The following PAN2 variants were observed in gnomAD, a reference collection of about 807,000 sequenced individuals.
The protein encoded by PAN2 is PAN2-PAN3 deadenylation complex catalytic subunit PAN2.
PAN2 carries 68 observed loss-of-function variants against 133.3 expected under a neutral mutation model. That is an observed-to-expected ratio of 0.51 (90% CI 0.42 to 0.62). The LOEUF (loss-of-function observed/expected upper bound fraction) is 0.62, where lower values mean the gene tolerates loss of function less well. Among genes scored for constraint, PAN2 ranks in the 20% least tolerant of loss-of-function variants. The pLI, the probability that PAN2 is intolerant of heterozygous loss-of-function variation, is 0.00. For synonymous variants in PAN2, 462 were observed against 544.6 expected (o/e 0.85, Z 2.11); for missense variants, 1,042 against 1,500.5 (o/e 0.69, Z 5.05).
chr12:56,322,516 A>C, intron 18 of PAN2, 34 bp from the exon 19 acceptor site: 1 of 1,611,892 alleles, frequency 6.2e-7, no homozygotes, highest in Non-Finnish European at 8.5e-7. Flanking sequence ...GTGGCGATAC[A>C]AATTGATGGC....
At position 56,318,191 on chromosome 12, in the gene PAN2, C is replaced by A. The variant is rs781468853; in HGVS notation, c.3562+46G>T. 11 of 1,523,946 alleles carry A rather than the reference C, an allele frequency of 7.2e-6. No individual in the cohort carries two copies. In the Admixed American group the frequency reaches 1.0e-4, roughly 14 times the overall value. The allele number at this position is 1,523,946 out of a possible 1,614,324, so 94.4% of individuals were successfully genotyped here. ...GACCCTGTCACAAACAAACAAAATA[C>A]AAAATCCACCCAGTCCAGTTTCCCT... On this transcript the variant is annotated intron_variant, in intron 25 of 25. Coordinates refer to ENST00000440411, the MANE Select transcript of PAN2 (RefSeq NM_014871.6).
In PAN2 at chr12:56,325,023, T is replaced by TA; in HGVS notation, c.1584dup (p.Asn529Ter). 6.2e-7 allele frequency: 1 copy of TA among 1,614,094 alleles called. No individual in the cohort carries two copies. Reference sequence around the variant, plus strand: ...CCAACCCTTACCTGGATCATGCAGTTACAGTAGGCGTTGGGAATGTGGGGC... The same window carrying TA: ...CCAACCCTTACCTGGATCATGCAGTTAACAGTAGGCGTTGGGAATGTGGGGC... On this transcript the variant is annotated frameshift_variant, in exon 10 of 26. Transcript: ENST00000440411. LOFTEE classifies it high-confidence loss of function.
At chr12:56,329,234 T>C (rs1326298191) in intron 2 of PAN2, among the ~76,000 whole-genome samples, 1 of 152,022 alleles carries the variant, frequency 6.6e-6, no homozygotes, top group Non-Finnish European at 1.5e-5. Context: ...TTCTCTATGG[T>C]ACCAAGATCT....
Position 56,324,112 on chromosome 12 carries a change from G to A in PAN2, c.2002C>T (p.Arg668Cys), listed in dbSNP as rs757267995. The change falls in exon 13 of 26, where the codon CGC becomes TGC. Residue 668 changes from arginine (R) to cysteine (C), a missense_variant. Physicochemically the swap from Arg to Cys is radical, Grantham distance 180 (BLOSUM62 -3). This residue lies in a region of PAN2 where 908 missense variants were observed against 1,223.5 expected (regional missense o/e 0.74). Coordinates refer to ENST00000440411, the MANE Select transcript of PAN2 (RefSeq NM_014871.6). ...GCTCGCACGGTCTCACTGCCACAGC[G>A]GCAGAGGCTGCAGTTCTCCATCTCA... ...SCEMENCSLC[R>C]CGSETVRASS... 5 of 1,614,066 alleles carry A rather than the reference G, an allele frequency of 3.1e-6. No homozygotes were observed. Among genetic ancestry groups the A allele is most frequent in the South Asian group, 1.1e-5 (1 of 91,086 alleles).
Position 56,319,046 on chromosome 12 carries a change from T to G in PAN2, c.3364+42A>C, listed in dbSNP as rs767865483. 2 of 1,579,166 alleles carry G rather than the reference T, an allele frequency of 1.3e-6. No individual in the cohort carries two copies. Among genetic ancestry groups the G allele is most frequent in the Non-Finnish European group, 1.7e-6 (2 of 1,148,558 alleles). ...TTCTTTTTTTTTAAATGGCTGCTTC[T>G]GCTATTAATGTAGCAGGGGCCTACA... On this transcript the variant is annotated intron_variant, in intron 24 of 25. Transcript: ENST00000440411. The surrounding 1 kb of genome is among the most constrained non-coding windows in gnomAD (Gnocchi z 5.4).
chr12:56,333,897 G>T lies in PAN2; in HGVS notation c.-150C>A. 6.6e-6 allele frequency: 1 copy of T among 152,360 alleles called. No homozygotes were observed. The highest frequency in any genetic ancestry group is 1.5e-5 in the Non-Finnish European group (1 of 68,076). The allele number at this position is 152,360 out of a possible 1,614,324, so 9.4% of individuals were successfully genotyped here. On this transcript the variant is annotated 5_prime_UTR_variant, in exon 1 of 26. Coordinates refer to ENST00000440411, the MANE Select transcript of PAN2 (RefSeq NM_014871.6). The stretch of plus-strand genomic sequence containing the variant: ...CCATGGCGGATATTTTGGAGCGCGT[G>T]GAATTAGAACGAGTAGGGGGAGCGC...
In PAN2 at chr12:56,332,709, T is replaced by C; in HGVS notation, c.282+104A>G. 3 of 1,153,694 alleles carry C rather than the reference T, an allele frequency of 2.6e-6. No individual in the cohort carries two copies. The South Asian group carries it at 4.2e-5, about 16-fold the overall frequency. 71.5% of individuals were successfully genotyped at this position (1,153,694 alleles called of 1,614,324 possible). Reference sequence around the variant, plus strand: ...CAACCAGACCCAGCTGTCTCATCACTACAACTCCTCGGTACTGGCTATCTG... The same window carrying C: ...CAACCAGACCCAGCTGTCTCATCACCACAACTCCTCGGTACTGGCTATCTG... On this transcript the variant is annotated intron_variant, in intron 2 of 25. Coordinates refer to ENST00000440411, the MANE Select transcript of PAN2 (RefSeq NM_014871.6).
rs756790140 is a variant in PAN2, at chr12:56,327,516, C to A, written c.767G>T (p.Ser256Ile). ...GTCGCAGGCCAGGCCAGTGAGGCGG[C>A]TGGAGAAGCCACAGGCAGCTAGCAG... ...GNLLAACGFS[S>I]RLTGLACDRF... Residue 256 changes from serine (S) to isoleucine (I), a missense_variant, in exon 6 of 26, where the codon AGC becomes ATC. Ser to Ile is a moderately radical substitution (Grantham distance 142). Coordinates refer to ENST00000440411, the MANE Select transcript of PAN2 (RefSeq NM_014871.6). 2 of 1,614,090 alleles carry A rather than the reference C, an allele frequency of 1.2e-6. No homozygotes were observed. Among genetic ancestry groups the A allele is most frequent in the Non-Finnish European group, 1.7e-6 (2 of 1,180,050 alleles).
In PAN2 at chr12:56,327,482, G is replaced by A. The variant is rs2135983704; in HGVS notation, c.801C>T (p.Leu267=). ...GCATCATGCGCAAATCATACACCTT[G>A]AGGAAACGGTCGCAGGCCAGGCCAG... ...RLTGLACDRF[L]KVYDLRMMRA... is the part of the protein sequence containing the mutation. The change falls in exon 6 of 26, where the codon CTC becomes CTT. Residue 267 remains leucine, a synonymous_variant. Transcript: ENST00000440411. 3 of 1,614,252 alleles carry A rather than the reference G, an allele frequency of 1.9e-6. No homozygotes were observed. The highest frequency in any genetic ancestry group is 1.3e-5 in the African/African-American group (1 of 75,066).
intron 2 of PAN2, among the ~76,000 whole-genome samples, chr12:56,332,070 G>A (rs1234991181): frequency 6.6e-6 from 1 of 152,132 alleles, no homozygotes; most frequent in Non-Finnish European, 1.5e-5. Context: ...GGCAATACGG[G>A]TACAGATTTT....
intron 25 of PAN2, 41 bp from the exon 26 acceptor site, chr12:56,317,684 G>A: frequency 6.3e-7 from 1 of 1,577,300 alleles, no homozygotes. Context: ...AAGCTGAGTG[G>A]AGAAAAAGCA....
chr12:56,332,634 G>A, intron 2 of PAN2, 179 bp downstream of exon 2: 3 of 569,836 alleles, frequency 5.3e-6, no homozygotes, highest in East Asian at 3.0e-5. Flanking sequence ...TGCCTCCTGA[G>A]AAAGAATATG....
chr12:56,319,143 G>A lies in PAN2; in HGVS notation c.3309C>T (p.Phe1103=), dbSNP rs776065284. ...AAATCATTCGTTTTCGGGGCATATG[G>A]AACAGGTAGACAGTGTCAAGGACTT... The part of the protein sequence containing the change: ...KDQVLDTVYL[F]HMPRKRMISL... Residue 1103 remains phenylalanine (F), a synonymous_variant, in exon 24 of 26, where the codon TTC becomes TTT. Coordinates refer to ENST00000440411, the MANE Select transcript of PAN2 (RefSeq NM_014871.6). This position sits in a 1 kb window ranked among gnomAD's most constrained non-coding sequence, Gnocchi z 5.4. The A allele has an allele frequency of 1.2e-6, 2 of 1,614,138 alleles. No individual in the cohort carries two copies. Among genetic ancestry groups the A allele is most frequent in the East Asian group, 2.2e-5 (1 of 44,886 alleles).
rs1290582468 is a variant in PAN2 at position 56,323,193 on chromosome 12, G to T, written c.2362C>A (p.Pro788Thr). The T allele has an allele frequency of 1.2e-6, 2 of 1,613,970 alleles. No individual in the cohort carries two copies. The highest frequency in any genetic ancestry group is 1.7e-6 in the Non-Finnish European group (2 of 1,180,018). The change falls in exon 17 of 26, where the codon CCA becomes ACA. Residue 788 changes from proline to threonine, a missense_variant. Coordinates refer to ENST00000440411, the MANE Select transcript of PAN2 (RefSeq NM_014871.6). ...ALADWKELGS[P>T]EGVLVCPSIE... ...GAGGGACACACCAGCACACCCTCTG[G>T]ACTCCCTAGTTCCTTCCTATCAGGT...
At chr12:56,332,520 AG>A (rs144489592) in intron 2 of PAN2, among the ~76,000 whole-genome samples, 2,136 of 151,114 alleles carry the variant, frequency 0.014, 51 homozygotes, top group African/African-American at 0.05. Context: ...GTGTGAGCCC[AG>A]GAGATTGAGG....
chr12:56,327,956 C>G (rs1294094208), intron 5 of PAN2, 39 bp downstream of exon 5: 1 of 1,613,048 alleles, frequency 6.2e-7, no homozygotes, highest in Non-Finnish European at 8.5e-7. Context: ...TCTAGTGAAA[C>G]AGGGCCCTGC....
intron 20 of PAN2, among the ~76,000 whole-genome samples, chr12:56,320,706 C>T (rs1233334550): frequency 6.6e-6 from 1 of 151,166 alleles, no homozygotes; most frequent in Non-Finnish European, 1.5e-5. Flanking sequence ...ACATCCCCCC[C>T]TCATCTCATT....
intron 20 of PAN2, among the ~76,000 whole-genome samples, chr12:56,321,227 A>C (rs969393367): frequency 2.0e-5 from 3 of 149,632 alleles, no homozygotes; most frequent in Admixed American, 2.0e-4. Flanking sequence ...CACTCAGCTA[A>C]ATTTTTTTTT....
At chr12:56,327,741 G>C in intron 5 of PAN2, 110 bp from the exon 6 acceptor site, 2 of 1,343,402 alleles carry the variant, frequency 1.5e-6, no homozygotes, top group South Asian at 1.4e-5. Flanking sequence ...TTAGGACAGG[G>C]AAAGTTAAAG....
Sources: allele counts gnomAD v4.1 joint callset (sites outside exome capture counted in the v4.1 genomes callset), GRCh38; gene constraint gnomAD v4.1.1; regional missense constraint gnomAD v4.1.1; non-coding constraint Gnocchi (gnomAD v3.1); transcripts MANE v1.5; gene names NCBI Gene and HGNC (gene_info 2026-07-23, HGNC 2026-07-21).